The following ADAM19 variants were observed in gnomAD, a reference collection of about 807,000 sequenced individuals.
The protein encoded by ADAM19 is ADAM metallopeptidase domain 19.
In ADAM19, 65 loss-of-function variants were observed where a neutral mutation model predicts 114.7. That is an observed-to-expected ratio of 0.57 (90% CI 0.46 to 0.70). The LOEUF (loss-of-function observed/expected upper bound fraction) is 0.70. ADAM19 is among the 30% of genes least tolerant of loss of function. The probability of loss-of-function intolerance (pLI) is 0.00; values close to 1 mark genes in which losing one functional copy is unlikely to be tolerated. For missense variants in ADAM19, 1,063 were observed against 1,204.7 expected (o/e 0.88, Z 1.74); for synonymous variants, 466 against 460.5 (o/e 1.01, Z -0.15).
Position 157,570,124 on chromosome 5 carries a change from G to T in ADAM19, c.180+771C>A, listed in dbSNP as rs79185024. Among the ~76,000 whole-genome samples the T allele has an allele frequency of 2.9e-3, 443 of 152,184 alleles. 13 individuals are homozygous for T. The East Asian group carries it at 0.072, about 25-fold the overall frequency. ...AAAATACAAAAATTAGCCTGGCTTC[G>T]CAGCACACACATGTAATCTCAGCTA... is the stretch of plus-strand genomic sequence containing the variant. On this transcript the variant is annotated intron_variant, in intron 2 of 22. Coordinates refer to ENST00000257527, the MANE Select transcript of ADAM19 (RefSeq NM_033274.5).
At chr5:157,499,772 TC>T (rs758672143) in intron 12 of ADAM19, 110 bp from the exon 13 acceptor site, 89 of 522,956 alleles carry the variant, frequency 1.7e-4, no homozygotes, top group Non-Finnish European at 2.5e-4. Flanking sequence ...AGCAACTATC[TC>T]TTTTTTTTTT....
chr5:157,538,805 TAA>T (rs1467634583), intron 3 of ADAM19, among the ~76,000 whole-genome samples: 6 of 152,132 alleles, frequency 3.9e-5, no homozygotes, highest in African/African-American at 1.4e-4. Context: ...AAGAAAAATA[TAA>T]GAGTCAAATG....
At chr5:157,494,889 T>C in intron 14 of ADAM19, 94 bp from the exon 15 acceptor site, 1 of 976,314 alleles carries the variant, frequency 1.0e-6, no homozygotes. Flanking sequence ...GTAAGAATAT[T>C]TTCTGGGAGG....
At position 157,477,352 on chromosome 5, in the gene ADAM19, G is replaced by A. The variant is rs1374349082; in HGVS notation, c.*3597C>T. 15 of 995,734 alleles carry A rather than the reference G, an allele frequency of 1.5e-5. No individual in the cohort carries two copies. The highest frequency in any genetic ancestry group is 1.8e-5 in the Non-Finnish European group (15 of 835,322). 61.7% of individuals were successfully genotyped at this position (995,734 alleles called of 1,614,324 possible). On this transcript the variant is annotated 3_prime_UTR_variant, in exon 23 of 23. Transcript: ENST00000257527. ...TCATTTTTAATTAAATACTAACAAG[G>A]AAAAAAGGCACCATGGCCCATTCAA...
intron 11 of ADAM19, 144 bp from the exon 12 acceptor site, chr5:157,503,124 G>T: frequency 1.6e-6 from 1 of 639,130 alleles, no homozygotes; most frequent in Non-Finnish European, 2.7e-6. Context: ...ATACATTCTG[G>T]CCCCTTAGAA....
intron 8 of ADAM19, among the ~76,000 whole-genome samples, chr5:157,512,437 T>C (rs1300773492): frequency 6.6e-6 from 1 of 152,244 alleles, no homozygotes; most frequent in Admixed American, 6.5e-5. Context: ...TCATCAATGT[T>C]ATGAGTATTC....
chr5:157,519,903 G>C lies in ADAM19; in HGVS notation c.536C>G (p.Ser179Cys), dbSNP rs755895049. 8.1e-6 allele frequency: 13 copies of C among 1,614,064 alleles called. No individual in the cohort carries two copies. Among genetic ancestry groups the C allele is most frequent in the Non-Finnish European group, 1.1e-5 (13 of 1,180,000 alleles). ...AGCCCAGTCCCTGGTGGTGGGCTTG[G>C]AGTGCTCGAACCCACAGTTTCCCGG... Reference protein sequence around the residue: ...PPPGNCGFEHSKPTTRDWALQ... With the variant: ...PPPGNCGFEHCKPTTRDWALQ... Residue 179 changes from serine (S) to cysteine (C), a missense_variant, in exon 6 of 23, where the codon TCC (serine) becomes TGC (cysteine). Physicochemically the swap from Ser to Cys is moderately radical, Grantham distance 112. This residue lies in a region of ADAM19 where 615 missense variants were observed against 706.3 expected (regional missense o/e 0.87). Transcript: ENST00000257527.
At position 157,499,615 on chromosome 5, in the gene ADAM19, C is replaced by T. The variant is rs753743498; in HGVS notation, c.1356G>A (p.Pro452=). ...AGGAGCCGTGAGCACACTCCGCCCC[C>T]GGCCTCAGGGTACAATTAGAGGCAT... ...CCNASNCTLR[P]GAECAHGSCC... Residue 452 remains proline (P), a synonymous_variant, in exon 13 of 23, where the codon CCG becomes CCA. Coordinates refer to ENST00000257527, the MANE Select transcript of ADAM19 (RefSeq NM_033274.5). The T allele has an allele frequency of 1.9e-5, 30 of 1,613,244 alleles. No homozygotes were observed. The highest frequency in any genetic ancestry group is 1.7e-4 in the Middle Eastern group (1 of 5,886).
At chr5:157,561,361 G>C (rs966250430) in intron 3 of ADAM19, among the ~76,000 whole-genome samples, 12 of 152,162 alleles carry the variant, frequency 7.9e-5, no homozygotes, top group African/African-American at 2.9e-4. Flanking sequence ...TTAAAGGCTT[G>C]CTCACTGCTA....
chr5:157,494,499 C>T (rs763579925), intron 15 of ADAM19, among the ~76,000 whole-genome samples, 188 bp downstream of exon 15: 4 of 152,204 alleles, frequency 2.6e-5, no homozygotes, highest in Non-Finnish European at 4.4e-5. Context: ...CCACACCCTC[C>T]TCTGACTTCC....
chr5:157,491,339 A>G (rs1435792934), intron 18 of ADAM19, among the ~76,000 whole-genome samples: 1 of 152,226 alleles, frequency 6.6e-6, no homozygotes, highest in Non-Finnish European at 1.5e-5. Context: ...AAAGAATGGG[A>G]ACATTCAATG....
At chr5:157,510,384 G>C (rs1755880756) in intron 8 of ADAM19, among the ~76,000 whole-genome samples, 1 of 152,240 alleles carries the variant, frequency 6.6e-6, no homozygotes, top group Non-Finnish European at 1.5e-5. Context: ...TGAGGCAGGA[G>C]AATCACTTGA....
intron 21 of ADAM19, among the ~76,000 whole-genome samples, chr5:157,483,636 C>A (rs12658905): frequency 2.4e-5 from 3 of 123,650 alleles, no homozygotes; most frequent in South Asian, 6.5e-4. Flanking sequence ...GTGAACATTC[C>A]ATTTTTTTTT....
chr5:157,488,607 CCT>C (rs778492381), intron 20 of ADAM19, 118 bp from the exon 21 acceptor site: 8 of 766,838 alleles, frequency 1.0e-5, no homozygotes, highest in African/African-American at 3.5e-5. Flanking sequence ...CTATTAAACC[CCT>C]GAGGATCCCA....
At chr5:157,531,919 T>G (rs1756637482) in intron 4 of ADAM19, among the ~76,000 whole-genome samples, 2 of 152,164 alleles carry the variant, frequency 1.3e-5, no homozygotes. Context: ...GGAGGGAGTA[T>G]GGCCCCGACA....
At chr5:157,513,813 T>A (rs140751573) in intron 7 of ADAM19, among the ~76,000 whole-genome samples, 1 of 152,220 alleles carries the variant, frequency 6.6e-6, no homozygotes, top group Non-Finnish European at 1.5e-5. Context: ...TCGAATTACA[T>A]GGCCTCTGGC....
chr5:157,518,143 CA>C (rs923587875), intron 7 of ADAM19, among the ~76,000 whole-genome samples: 24 of 147,260 alleles, frequency 1.6e-4, no homozygotes, highest in Middle Eastern at 3.4e-3. Context: ...ATCATCTTTG[CA>C]AAAAAAAAAG....
Position 157,493,157 on chromosome 5 carries a change from A to C in ADAM19, c.1724T>G (p.Ile575Ser). ...CNMRDAKCGK[I>S]QCQSSEARPL... ...CCGGGCCTCAGAGCTCTGACACTGG[A>C]TCTTCCCACACTTCGCATCTCTGGG... The change falls in exon 16 of 23, where the codon ATC becomes AGC. Residue 575 changes from isoleucine (I) to serine (S), a missense_variant. This residue lies in a region of ADAM19 where 24 missense variants were observed against 53.0 expected (regional missense o/e 0.45). Coordinates refer to ENST00000257527, the MANE Select transcript of ADAM19 (RefSeq NM_033274.5). 3 of 1,614,042 alleles carry C rather than the reference A, an allele frequency of 1.9e-6. No homozygotes were observed. Among genetic ancestry groups the C allele is most frequent in the Non-Finnish European group, 2.5e-6 (3 of 1,179,916 alleles).
chr5:157,542,068 G>A (rs1581341754), intron 3 of ADAM19, among the ~76,000 whole-genome samples: 2 of 152,092 alleles, frequency 1.3e-5, no homozygotes, highest in Admixed American at 1.3e-4. Flanking sequence ...ATACCCTGAT[G>A]ATGCCTTGGG....
Sources: allele counts gnomAD v4.1 joint callset (sites outside exome capture counted in the v4.1 genomes callset), GRCh38; gene constraint gnomAD v4.1.1; regional missense constraint gnomAD v4.1.1; transcripts MANE v1.5; gene names NCBI Gene and HGNC (gene_info 2026-07-23, HGNC 2026-07-21).